The following MAPKAP1 variants were observed in gnomAD, a reference collection of about 807,000 sequenced individuals.
MAPKAP1 encodes MAPK associated protein 1, also known as target of rapamycin complex 2 subunit MAPKAP1.
MAPKAP1 carries 20 observed loss-of-function variants against 65.7 expected under a neutral mutation model. The ratio of observed to expected loss-of-function variants is 0.30; its 90% confidence interval spans 0.21 to 0.44. The LOEUF (loss-of-function observed/expected upper bound fraction) is 0.44. Ranked by LOEUF, MAPKAP1 falls within the 20% of genes least tolerant of loss-of-function variation. The pLI is 1.00. For missense variants in MAPKAP1, 423 were observed against 648.0 expected (o/e 0.65, Z 3.77); for synonymous variants, 222 against 244.3 (o/e 0.91, Z 0.85).
At chr9:125,593,680 A>C (rs909461746) in intron 4 of MAPKAP1, among the ~76,000 whole-genome samples, 2 of 148,476 alleles carry the variant, frequency 1.3e-5, no homozygotes, top group Admixed American at 6.7e-5. Context: ...AGAAAAAAAA[A>C]GGTAATAAAT....
At chr9:125,621,271 CA>C (rs144546648) in intron 4 of MAPKAP1, among the ~76,000 whole-genome samples, 4 of 144,392 alleles carry the variant, frequency 2.8e-5, no homozygotes, top group African/African-American at 2.5e-5. Flanking sequence ...GACACTTTCT[CA>C]AAAAAAAAAC....
At chr9:125,659,733 C>T in intron 3 of MAPKAP1, among the ~76,000 whole-genome samples, 1 of 140,594 alleles carries the variant, frequency 7.1e-6, no homozygotes, top group East Asian at 2.1e-4. Flanking sequence ...AAAAAAAAAT[C>T]CTCTCTCTAT....
intron 1 of MAPKAP1, among the ~76,000 whole-genome samples, chr9:125,675,072 A>T (rs768471038): frequency 6.6e-6 from 1 of 152,232 alleles, no homozygotes; most frequent in Non-Finnish European, 1.5e-5. Flanking sequence ...TTTATAAATG[A>T]GAGTATTTGT....
intron 9 of MAPKAP1, among the ~76,000 whole-genome samples, chr9:125,474,833 C>T (rs1284417331): frequency 6.6e-6 from 1 of 152,154 alleles, no homozygotes; most frequent in South Asian, 2.1e-4. Flanking sequence ...TACAAAAGTC[C>T]CACTGCTGTT....
chr9:125,480,700 C>T (rs867206365), intron 9 of MAPKAP1, among the ~76,000 whole-genome samples: 21 of 152,028 alleles, frequency 1.4e-4, no homozygotes, highest in South Asian at 6.2e-4. Context: ...GGGCCGGGCG[C>T]GGTGGCTCAC....
intron 1 of MAPKAP1, among the ~76,000 whole-genome samples, chr9:125,678,328 C>T (rs564238460): frequency 2.0e-4 from 30 of 151,830 alleles, no homozygotes; most frequent in Non-Finnish European, 4.0e-4. Flanking sequence ...CTGCAAGCTC[C>T]GCCTCCCGGG....
chr9:125,701,732 T>C (rs986153956), intron 1 of MAPKAP1, among the ~76,000 whole-genome samples: 3 of 152,334 alleles, frequency 2.0e-5, no homozygotes, highest in East Asian at 1.9e-4. Context: ...CTTCATACTA[T>C]TGTGGAGAGG....
At chr9:125,608,454 G>A (rs957529493) in intron 4 of MAPKAP1, among the ~76,000 whole-genome samples, 1 of 152,134 alleles carries the variant, frequency 6.6e-6, no homozygotes, top group Non-Finnish European at 1.5e-5. Context: ...CAAATGCCAG[G>A]CTTTCAAAGC....
intron 4 of MAPKAP1, among the ~76,000 whole-genome samples, chr9:125,604,788 A>C (rs556688367): frequency 6.6e-6 from 1 of 152,348 alleles, no homozygotes; most frequent in South Asian, 2.1e-4. Context: ...TGTGTAAAAA[A>C]ACACTACCAG....
intron 4 of MAPKAP1, among the ~76,000 whole-genome samples, chr9:125,591,898 A>G: frequency 6.6e-6 from 1 of 152,272 alleles, no homozygotes; most frequent in East Asian, 1.9e-4. Context: ...AGCAACTAGC[A>G]ATAAACAAAG....
chr9:125,659,189 T>C (rs1230764967), intron 3 of MAPKAP1, among the ~76,000 whole-genome samples: 2 of 152,334 alleles, frequency 1.3e-5, no homozygotes, highest in African/African-American at 4.8e-5. Flanking sequence ...GAAATGATCC[T>C]TTATTAAGCA....
At chr9:125,695,191 A>G (rs2131861379) in intron 1 of MAPKAP1, among the ~76,000 whole-genome samples, 1 of 152,342 alleles carries the variant, frequency 6.6e-6, no homozygotes, top group Non-Finnish European at 1.5e-5. Context: ...TTTCTCAGGT[A>G]AACTGAATTG....
In MAPKAP1 at chr9:125,500,786, ACAC is replaced by A. The variant is rs200608036; in HGVS notation, c.1066+5521_1066+5523del. On this transcript the variant is annotated intron_variant, in intron 8 of 11. Transcript: ENST00000265960. ...AAGAAATTTACCAAGATTCTAATAA[ACAC>A]CACTTTATTTGTATAACAAGGAATC... Among the ~76,000 whole-genome samples the A allele has an allele frequency of 1.1e-4, 16 of 152,350 alleles. No homozygotes were observed. In the East Asian group the frequency reaches 3.1e-3, roughly 29 times the overall value.
intron 4 of MAPKAP1, among the ~76,000 whole-genome samples, chr9:125,627,949 C>T (rs1352078516): frequency 6.6e-6 from 1 of 152,108 alleles, no homozygotes; most frequent in Non-Finnish European, 1.5e-5. Flanking sequence ...CTGCCTTGTA[C>T]CATTTTATAA....
At chr9:125,547,145 G>A (rs1035873531) in intron 6 of MAPKAP1, among the ~76,000 whole-genome samples, 10 of 152,284 alleles carry the variant, frequency 6.6e-5, no homozygotes, top group South Asian at 2.1e-4. Context: ...CCGTCCCAGC[G>A]CACAGCCACT....
chr9:125,620,666 A>AT (rs1832871511), intron 4 of MAPKAP1, among the ~76,000 whole-genome samples: 1 of 152,236 alleles, frequency 6.6e-6, no homozygotes, highest in Admixed American at 6.5e-5. Flanking sequence ...ATGGAATACT[A>AT]TGCAGCTATA....
chr9:125,526,995 G>A (rs1376360690), intron 7 of MAPKAP1, among the ~76,000 whole-genome samples: 2 of 151,302 alleles, frequency 1.3e-5, no homozygotes, highest in African/African-American at 4.9e-5. Context: ...GGATAGTCTC[G>A]ATCTCCTGAC....
intron 7 of MAPKAP1, among the ~76,000 whole-genome samples, chr9:125,519,975 T>C (rs1020843585): frequency 2.6e-5 from 4 of 152,128 alleles, no homozygotes; most frequent in African/African-American, 9.7e-5. Flanking sequence ...TAATAAAGTG[T>C]GTATCTAGGG....
intron 7 of MAPKAP1, among the ~76,000 whole-genome samples, chr9:125,526,680 A>G (rs1829777968): frequency 6.6e-6 from 1 of 152,226 alleles, no homozygotes; most frequent in Admixed American, 6.5e-5. Context: ...GGAAAGAAAG[A>G]TCCTTCTACA....
Sources: allele counts gnomAD v4.1 joint callset (sites outside exome capture counted in the v4.1 genomes callset), GRCh38; gene constraint gnomAD v4.1.1; transcripts MANE v1.5; gene names NCBI Gene and HGNC (gene_info 2026-07-23, HGNC 2026-07-21).